AGAP3: variants seen among roughly 807,000 people sequenced by gnomAD.
AGAP3 encodes the protein arf-GAP with GTPase, ANK repeat and PH domain-containing protein 3.
A neutral mutation model predicts 96.9 loss-of-function variants in AGAP3; 24 were observed. The ratio of observed to expected loss-of-function variants is 0.25; its 90% CI spans 0.18 to 0.35. The LOEUF is 0.35. Among genes scored for constraint, AGAP3 ranks in the 10% least tolerant of loss-of-function variants. The probability of loss-of-function intolerance (pLI) is 1.00; values close to 1 mark genes in which losing one functional copy is unlikely to be tolerated. For synonymous variants in AGAP3, 563 were observed against 536.1 expected (o/e 1.05, Z -0.69); for missense variants, 876 against 1,254.2 (o/e 0.70, Z 4.55).
At chr7:151,089,123 G>A (rs1308561150) in intron 1 of AGAP3, among the ~76,000 whole-genome samples, 1 of 150,764 alleles carries the variant, frequency 6.6e-6, no homozygotes, top group Non-Finnish European at 1.5e-5. Flanking sequence ...CACCTCACCC[G>A]TCTTGCGTTC....
chr7:151,091,630 AGGT>A (rs1798404223), intron 1 of AGAP3, among the ~76,000 whole-genome samples: 1 of 152,180 alleles, frequency 6.6e-6, no homozygotes, highest in African/African-American at 2.4e-5. Context: ...GGCAGGGCAA[AGGT>A]CAGAGACTTG....
intron 11 of AGAP3, among the ~76,000 whole-genome samples, chr7:151,137,259 T>TCCGGG (rs1800632792): frequency 6.6e-6 from 1 of 152,208 alleles, no homozygotes; most frequent in Non-Finnish European, 1.5e-5. Flanking sequence ...TTTGGCCAGC[T>TCCGGG]CCGGGCCCCT....
In AGAP3 at chr7:151,114,231, C is replaced by CT. The variant is rs1327317530; in HGVS notation, c.332-2561dup. Among the ~76,000 whole-genome samples, 1 of 152,254 alleles carries CT rather than the reference C, an allele frequency of 6.6e-6. No homozygotes were observed. The highest frequency in any genetic ancestry group is 1.5e-5 in the Non-Finnish European group (1 of 68,050). On this transcript the variant is annotated intron_variant, in intron 1 of 17. Coordinates refer to ENST00000397238, the MANE Select transcript of AGAP3 (RefSeq NM_031946.7). The surrounding 1 kb of genome is among the most constrained non-coding windows in gnomAD (Gnocchi z 4.4). ...GGACCACCTCGTTGAAGCTCGCGTG[C>CT]TGCAGACGAGGACACGCGCGCAGAC...
intron 8 of AGAP3, among the ~76,000 whole-genome samples, chr7:151,122,489 C>A (rs2150490195): frequency 6.6e-6 from 1 of 152,038 alleles, no homozygotes; most frequent in East Asian, 1.9e-4. Flanking sequence ...GTCTGCCCAG[C>A]AGGTGCCGCT....
intron 1 of AGAP3, among the ~76,000 whole-genome samples, chr7:151,107,105 C>T (rs1303689277): frequency 5.9e-5 from 9 of 151,844 alleles, no homozygotes; most frequent in Non-Finnish European, 1.2e-4. Context: ...AGGTCAGGAG[C>T]TCGAGACCAG....
chr7:151,127,383 G>A (rs10256948), intron 9 of AGAP3, among the ~76,000 whole-genome samples: 13,514 of 152,146 alleles, frequency 0.089, 1,426 homozygotes, highest in African/African-American at 0.26. Flanking sequence ...GGCAGAGTCC[G>A]CTTTTTCAAG....
intron 9 of AGAP3, among the ~76,000 whole-genome samples, chr7:151,125,613 G>C (rs1177882833): frequency 3.3e-5 from 5 of 151,670 alleles, no homozygotes; most frequent in Non-Finnish European, 7.4e-5. Context: ...GGCGGGGCGC[G>C]TCCGTTCTCT....
At chr7:151,103,263 G>C (rs1387614433) in intron 1 of AGAP3, among the ~76,000 whole-genome samples, 2 of 152,218 alleles carry the variant, frequency 1.3e-5, no homozygotes, top group African/African-American at 2.4e-5. Flanking sequence ...CGTGGAGACA[G>C]GACCTGTACC....
intron 1 of AGAP3, among the ~76,000 whole-genome samples, chr7:151,094,730 G>GT (rs1472812335): frequency 6.6e-6 from 1 of 151,908 alleles, no homozygotes; most frequent in African/African-American, 2.4e-5. Flanking sequence ...GCCCAGGCTG[G>GT]CTGTAAACTC....
chr7:151,109,215 T>C (rs996490949), intron 1 of AGAP3, among the ~76,000 whole-genome samples: 10 of 141,882 alleles, frequency 7.0e-5, no homozygotes, highest in African/African-American at 1.0e-4. Context: ...AAAGAAAAAA[T>C]AGCTGGACAT....
chr7:151,111,851 C>T (rs980213012), intron 1 of AGAP3, among the ~76,000 whole-genome samples: 44 of 152,156 alleles, frequency 2.9e-4, no homozygotes, highest in African/African-American at 9.9e-4. Flanking sequence ...TTCAGTCCAG[C>T]GTTTCCGGTG....
rs575252675 is a variant in AGAP3 at position 151,108,392 on chromosome 7, C to T, written c.332-8401C>T. The stretch of plus-strand genomic sequence containing the variant: ...CCACCCTGGGGTAATCTCAGTTTCC[C>T]TGCTCCTTGCACTGCTCTCGGTCCT... On this transcript the variant is annotated intron_variant, in intron 1 of 17. Coordinates refer to ENST00000397238, the MANE Select transcript of AGAP3 (RefSeq NM_031946.7). The surrounding 1 kb of genome is among the most constrained non-coding windows in gnomAD (Gnocchi z 4.2). Among the ~76,000 whole-genome samples the T allele has an allele frequency of 6.6e-6, 1 of 152,260 alleles. No homozygotes were observed. Among genetic ancestry groups the T allele is most frequent in the East Asian group, 1.9e-4 (1 of 5,170 alleles).
rs1242911229 is a variant in AGAP3, at chr7:151,134,566, C to T, written c.1493C>T (p.Thr498Ile). ...AGTAACACACAGCTGGGTGGGGGCA[C>T]AGGTGAGGCGGCTGCTGAGGTGGGG... ...ERSNTQLGGG[T>I]GAPHSASSAS... Residue 498 changes from threonine (T) to isoleucine (I), a missense_variant and splice_region_variant, in exon 11 of 18, where the codon ACA becomes ATA. By Grantham distance (89) the Thr-to-Ile change is moderately conservative. Transcript: ENST00000397238. The T allele has an allele frequency of 1.2e-6, 2 of 1,605,644 alleles. No individual in the cohort carries two copies.
intron 9 of AGAP3, chr7:151,128,273 G>T: frequency 2.8e-6 from 1 of 360,794 alleles, no homozygotes; most frequent in Non-Finnish European, 5.3e-6. Flanking sequence ...TACACCCGAC[G>T]GTCTACACCC....
At chr7:151,087,205 G>T in intron 1 of AGAP3, 133 bp downstream of exon 1, 1 of 974,654 alleles carries the variant, frequency 1.0e-6, no homozygotes, top group Non-Finnish European at 1.5e-6. Flanking sequence ...AGGCCACGAG[G>T]TTTGCCGATC....
intron 8 of AGAP3, among the ~76,000 whole-genome samples, chr7:151,121,720 CACAGCGGCG>C (rs1799902640): frequency 6.6e-6 from 1 of 152,202 alleles, no homozygotes; most frequent in Non-Finnish European, 1.5e-5. Flanking sequence ...TCTCCATCCT[CACAGCGGCG>C]ACCTTATATT....
intron 9 of AGAP3, among the ~76,000 whole-genome samples, chr7:151,125,442 C>T (rs1800115265): frequency 6.6e-6 from 1 of 152,218 alleles, no homozygotes; most frequent in Non-Finnish European, 1.5e-5. Context: ...TGGGTGTTTT[C>T]ACCCCTAAAT....
intron 10 of AGAP3, among the ~76,000 whole-genome samples, chr7:151,132,134 G>C (rs4725393): frequency 0.7 from 106,380 of 152,152 alleles, 38,058 homozygotes; most frequent in East Asian, 0.91. Flanking sequence ...TGCAGCCCAG[G>C]GTGCTGGAGA....
intron 8 of AGAP3, chr7:151,123,416 C>G (rs1162029352): frequency 9.2e-7 from 1 of 1,091,718 alleles, no homozygotes; most frequent in African/African-American, 1.7e-5. Context: ...CATCTGCCCG[C>G]TCACTTGTGG....
Sources: allele counts gnomAD v4.1 joint callset (sites outside exome capture counted in the v4.1 genomes callset), GRCh38; gene constraint gnomAD v4.1.1; non-coding constraint Gnocchi (gnomAD v3.1); transcripts MANE v1.5; gene names NCBI Gene and HGNC (gene_info 2026-07-23, HGNC 2026-07-21).